The following SLC24A2 variants were observed in gnomAD, a reference collection of about 807,000 sequenced individuals.
The protein encoded by SLC24A2 is sodium/potassium/calcium exchanger 2.
A neutral mutation model predicts 62.0 loss-of-function variants in SLC24A2; 36 were observed. That is an observed-to-expected ratio of 0.58 (90% CI 0.44 to 0.77). The LOEUF (loss-of-function observed/expected upper bound fraction) is 0.77, where lower values mean the gene tolerates loss of function less well. Ranked by LOEUF, SLC24A2 falls within the 30% of genes least tolerant of loss-of-function variation. The pLI is 0.00. For missense variants in SLC24A2, 846 were observed against 817.9 expected (o/e 1.03, Z -0.42); for synonymous variants, 358 against 294.0 (o/e 1.22, Z -2.23).
chr9:20,002,169 A>G, the SLC24A2 span, among the ~76,000 whole-genome samples: 6 of 152,110 alleles, frequency 3.9e-5, no homozygotes, highest in African/African-American at 9.7e-5. Context: ...TCACCACAAG[A>G]TTTCAACATC....
At position 19,641,517 on chromosome 9, in the gene SLC24A2, A is replaced by T. The variant is rs866953456; in HGVS notation, c.931-19218T>A. 8.1e-4 allele frequency among the ~76,000 whole-genome samples: 116 copies of T among 143,072 alleles called. 2 individuals carry two copies. Among genetic ancestry groups the T allele is most frequent in the African/African-American group, 2.8e-3 (109 of 38,800 alleles). 93.9% of individuals were successfully genotyped at this position (143,072 alleles called of 152,430 possible). ...CTTGTTTATTTTAGGTTACTTAAAC[A>T]TTTTTTTTTTTTTTTGAGATGGAGT... On this transcript the variant is annotated intron_variant, in intron 2 of 10. Coordinates refer to ENST00000341998, the MANE Select transcript of SLC24A2 (RefSeq NM_020344.4).
At chr9:19,591,909 C>T (rs766733006) in intron 5 of SLC24A2, among the ~76,000 whole-genome samples, 8 of 152,234 alleles carry the variant, frequency 5.3e-5, no homozygotes, top group African/African-American at 7.2e-5. Context: ...CTCATCCTTT[C>T]ATGCAAGGAT....
At chr9:19,590,255 C>T (rs1000401215) in intron 5 of SLC24A2, among the ~76,000 whole-genome samples, 5 of 152,228 alleles carry the variant, frequency 3.3e-5, no homozygotes, top group Non-Finnish European at 5.9e-5. Flanking sequence ...CATTCATCAA[C>T]TTCCAGACCC....
rs572919824 is a variant in SLC24A2 at position 19,525,391 on chromosome 9, C to CTTTTTTTTT, written c.1569+2649_1569+2657dup. ...AAGGTTTTTTTTTCCTATTTCTTTA[C>CTTTTTTTTT]TTTTTTTTTTTTTTTTTTTTTTTTT... On this transcript the variant is annotated intron_variant, in intron 9 of 10. Coordinates refer to ENST00000341998, the MANE Select transcript of SLC24A2 (RefSeq NM_020344.4). 9.5e-3 allele frequency among the ~76,000 whole-genome samples: 728 copies of CTTTTTTTTT among 76,296 alleles called. 54 individuals are homozygous for CTTTTTTTTT. The highest frequency in any genetic ancestry group is 0.024 in the Middle Eastern group (2 of 84). The allele number at this position is 76,296 out of a possible 152,430, so 50.1% of individuals were successfully genotyped here. A position where few individuals can be genotyped will look rare whatever the true frequency, so the allele number is the denominator to read the frequency against.
At chr9:19,985,255 A>G in the SLC24A2 span, among the ~76,000 whole-genome samples, 1 of 152,206 alleles carries the variant, frequency 6.6e-6, no homozygotes, top group Admixed American at 6.5e-5. Flanking sequence ...TACAAGAGAA[A>G]TAAAGACATA....
chr9:20,195,363 C>T, the SLC24A2 span, among the ~76,000 whole-genome samples: 12,520 of 152,168 alleles, frequency 0.082, 539 homozygotes, highest in Middle Eastern at 0.13. Context: ...TCTTCAAAAA[C>T]ATTTGGCATC....
the SLC24A2 span, among the ~76,000 whole-genome samples, chr9:20,217,316 G>A: frequency 1.4e-3 from 220 of 152,290 alleles, 2 homozygotes; most frequent in African/African-American, 4.7e-3. Context: ...TGCAGGGGAT[G>A]AGTAGTGATC....
chr9:19,763,726 G>C (rs992672738), intron 2 of SLC24A2, among the ~76,000 whole-genome samples: 3 of 152,168 alleles, frequency 2.0e-5, no homozygotes, highest in Admixed American at 2.0e-4. Context: ...GCATTTTATT[G>C]AGGATTTTCA....
At chr9:19,832,040 G>A in the SLC24A2 span, among the ~76,000 whole-genome samples, 4 of 152,200 alleles carry the variant, frequency 2.6e-5, no homozygotes, top group Non-Finnish European at 4.4e-5. Flanking sequence ...CTGTAGTAGT[G>A]CAATAGATTT....
At chr9:20,236,882 C>G in the SLC24A2 span, among the ~76,000 whole-genome samples, 2 of 152,002 alleles carry the variant, frequency 1.3e-5, no homozygotes, top group African/African-American at 2.4e-5. Flanking sequence ...CCTGTCATTT[C>G]CTAACTATTG....
At chr9:19,940,016 A>G in the SLC24A2 span, among the ~76,000 whole-genome samples, 2 of 152,242 alleles carry the variant, frequency 1.3e-5, no homozygotes, top group African/African-American at 4.8e-5. Context: ...ACTTCTCTGT[A>G]CCAGCTATCT....
chr9:20,174,342 G>C, the SLC24A2 span, among the ~76,000 whole-genome samples: 2 of 151,486 alleles, frequency 1.3e-5, no homozygotes, highest in Admixed American at 6.6e-5. Context: ...AAGAAAAAAA[G>C]GATAAATAGC....
At chr9:19,525,264 T>G (rs1833380300) in intron 9 of SLC24A2, among the ~76,000 whole-genome samples, 1 of 152,022 alleles carries the variant, frequency 6.6e-6, no homozygotes, top group Non-Finnish European at 1.5e-5. Flanking sequence ...TCAGCCAACA[T>G]TTTCTGTGGA....
the SLC24A2 span, among the ~76,000 whole-genome samples, chr9:19,826,173 C>CAA: frequency 1.5e-4 from 17 of 110,738 alleles, no homozygotes; most frequent in Non-Finnish European, 2.1e-4. Flanking sequence ...TGATGCATTG[C>CAA]AAAAAAAAAA....
chr9:20,054,826 A>G, the SLC24A2 span, among the ~76,000 whole-genome samples: 3 of 152,204 alleles, frequency 2.0e-5, no homozygotes, highest in Non-Finnish European at 2.9e-5. Flanking sequence ...AAGTAAATAG[A>G]TACCCAGTAG....
chr9:20,295,531 G>A, the SLC24A2 span, among the ~76,000 whole-genome samples: 1 of 152,210 alleles, frequency 6.6e-6, no homozygotes, highest in Non-Finnish European at 1.5e-5. Context: ...GTGTGTGAGT[G>A]TGAATGAACT....
chr9:20,188,799 C>T, the SLC24A2 span, among the ~76,000 whole-genome samples: 2 of 152,128 alleles, frequency 1.3e-5, no homozygotes, highest in Non-Finnish European at 2.9e-5. Flanking sequence ...CCTAAAGGAA[C>T]GAGTCCTGCT....
intron 2 of SLC24A2, among the ~76,000 whole-genome samples, chr9:19,670,077 A>C (rs1003254465): frequency 7.2e-5 from 11 of 151,934 alleles, no homozygotes; most frequent in Non-Finnish European, 1.5e-4. Context: ...AATCCTCAGC[A>C]CTCTGTGAAA....
the SLC24A2 span, among the ~76,000 whole-genome samples, chr9:19,962,843 C>G: frequency 6.6e-6 from 1 of 152,042 alleles, no homozygotes; most frequent in Non-Finnish European, 1.5e-5. Flanking sequence ...AATTGAATAC[C>G]CTTTATTTCC....
Sources: gnomAD v4.1 joint callset for allele counts (sites outside exome capture counted in the v4.1 genomes callset) on GRCh38, gnomAD v4.1.1 for gene constraint, MANE v1.5 for transcripts, NCBI Gene and HGNC (gene_info 2026-07-23, HGNC 2026-07-21) for gene names.